ARPP21: variants seen among roughly 807,000 people sequenced by gnomAD.
ARPP21 encodes the protein cAMP-regulated phosphoprotein 21.
In ARPP21, 69 loss-of-function variants were observed where a neutral mutation model predicts 113.2. The observed-to-expected ratio is 0.61, with a 90% CI of 0.50 to 0.74. The LOEUF (loss-of-function observed/expected upper bound fraction) is 0.74. Among genes scored for constraint, ARPP21 ranks in the 30% least tolerant of loss-of-function variants. The pLI is 0.00. For synonymous variants in ARPP21, 368 were observed against 375.5 expected, an observed-to-expected ratio of 0.98 and a Z score of 0.23; for missense variants, 1,070 against 1,037.4, an observed-to-expected ratio of 1.03 and a Z score of -0.43.
chr3:35,667,885 A>G (rs138848559), intron 1 of ARPP21, among the ~76,000 whole-genome samples: 4,832 of 97,268 alleles, frequency 0.05, 368 homozygotes, highest in Non-Finnish European at 0.057. Context: ...AAGAAGAAGA[A>G]GAAGAGGAAG....
chr3:35,710,460 T>C (rs953083346), intron 11 of ARPP21, among the ~76,000 whole-genome samples: 10 of 152,104 alleles, frequency 6.6e-5, no homozygotes, highest in African/African-American at 2.2e-4. Context: ...AAGACCTTCA[T>C]AGAGCTTCAT....
chr3:35,771,886 T>C (rs1214361382), intron 19 of ARPP21, among the ~76,000 whole-genome samples: 1 of 152,228 alleles, frequency 6.6e-6, no homozygotes, highest in Non-Finnish European at 1.5e-5. Flanking sequence ...TATATTATGT[T>C]CAGATCAAGA....
intron 19 of ARPP21, among the ~76,000 whole-genome samples, chr3:35,771,964 A>C (rs1162189886): frequency 6.6e-6 from 1 of 152,216 alleles, no homozygotes; most frequent in Non-Finnish European, 1.5e-5. Context: ...ACTTTAACAG[A>C]CCTTAAGAAA....
At chr3:35,776,758 G>C (rs547367660) in intron 19 of ARPP21, among the ~76,000 whole-genome samples, 1 of 152,126 alleles carries the variant, frequency 6.6e-6, no homozygotes, top group East Asian at 1.9e-4. Context: ...TCTAACTAAG[G>C]AATACAGCAG....
intron 1 of ARPP21, among the ~76,000 whole-genome samples, chr3:35,674,475 G>A (rs1179132972): frequency 6.6e-6 from 1 of 151,732 alleles, no homozygotes; most frequent in Non-Finnish European, 1.5e-5. Flanking sequence ...AATGTTACCC[G>A]TGTTTCAGCA....
At chr3:35,780,314 G>A (rs62259491) in intron 19 of ARPP21, among the ~76,000 whole-genome samples, 15,255 of 152,168 alleles carry the variant, frequency 0.1, 1,043 homozygotes, top group Non-Finnish European at 0.15. Context: ...TACCTAAGAA[G>A]CAGGAGCTAA....
At chr3:35,763,969 G>A (rs376794987) in intron 19 of ARPP21, among the ~76,000 whole-genome samples, 4 of 151,958 alleles carry the variant, frequency 2.6e-5, no homozygotes, top group African/African-American at 4.8e-5. Context: ...TTTGAGACCC[G>A]CCTGGGCAAC....
chr3:35,709,141 A>G, intron 11 of ARPP21, 71 bp downstream of exon 11: 1 of 1,030,338 alleles, frequency 9.7e-7, no homozygotes, highest in African/African-American at 1.6e-5. Flanking sequence ...CATTCCCCAG[A>G]CAGCGAGGTG....
intron 13 of ARPP21, 148 bp downstream of exon 13, chr3:35,717,505 G>T: frequency 1.7e-6 from 1 of 575,650 alleles, no homozygotes; most frequent in Non-Finnish European, 3.1e-6. Context: ...TAGCTAGCGT[G>T]GAAGTCATAT....
chr3:35,657,652 G>A (rs146918641), intron 1 of ARPP21, among the ~76,000 whole-genome samples: 88 of 152,162 alleles, frequency 5.8e-4, no homozygotes, highest in Non-Finnish European at 7.6e-4. Context: ...CAGAGTCAGT[G>A]GTGGAGTCAG....
chr3:35,649,604 G>A (rs950087232), intron 1 of ARPP21, among the ~76,000 whole-genome samples: 28 of 152,072 alleles, frequency 1.8e-4, no homozygotes, highest in African/African-American at 6.3e-4. Flanking sequence ...CAGCATGTGC[G>A]GAAGGAATTC....
At chr3:35,670,957 C>T (rs1400029622) in intron 1 of ARPP21, among the ~76,000 whole-genome samples, 2 of 152,094 alleles carry the variant, frequency 1.3e-5, no homozygotes, top group African/African-American at 2.4e-5. Context: ...ATTCAAAACG[C>T]TAGTATTTAA....
At chr3:35,686,496 T>G (rs1250194130) in intron 5 of ARPP21, among the ~76,000 whole-genome samples, 1 of 151,642 alleles carries the variant, frequency 6.6e-6, no homozygotes, top group East Asian at 1.9e-4. Context: ...TGGAGCCCCT[T>G]CCATAAAAGA....
At chr3:35,755,319 T>G (rs1379413916) in intron 19 of ARPP21, among the ~76,000 whole-genome samples, 1 of 152,002 alleles carries the variant, frequency 6.6e-6, no homozygotes, top group East Asian at 1.9e-4. Flanking sequence ...CTCCACCACC[T>G]TCCCAAACCT....
At chr3:35,778,501 C>G (rs545287140) in intron 19 of ARPP21, among the ~76,000 whole-genome samples, 1 of 152,292 alleles carries the variant, frequency 6.6e-6, no homozygotes, top group Non-Finnish European at 1.5e-5. Flanking sequence ...TTGCTAACTG[C>G]TCCTAACACT....
chr3:35,762,124 TCTCACACACACA>T (rs1388618759), intron 19 of ARPP21, among the ~76,000 whole-genome samples: 1 of 141,152 alleles, frequency 7.1e-6, no homozygotes, highest in Non-Finnish European at 1.6e-5. Flanking sequence ...TCTCTCTCTC[TCTCACACACACA>T]CACACACACA....
chr3:35,716,600 T>C (rs2092437875), intron 12 of ARPP21, among the ~76,000 whole-genome samples: 2 of 152,176 alleles, frequency 1.3e-5, no homozygotes, highest in East Asian at 3.9e-4. Context: ...CAGTAATCCA[T>C]AAGCATTGAC....
At chr3:35,711,148 C>T (rs1027961668) in intron 11 of ARPP21, among the ~76,000 whole-genome samples, 2 of 152,082 alleles carry the variant, frequency 1.3e-5, no homozygotes, top group African/African-American at 4.8e-5. Context: ...CCAGCTCTTC[C>T]GGCTTTACTA....
chr3:35,789,410 C>A (rs1308534532), intron 19 of ARPP21, among the ~76,000 whole-genome samples: 3 of 152,102 alleles, frequency 2.0e-5, no homozygotes, highest in South Asian at 4.1e-4. Context: ...AATGAGTAGC[C>A]CCAATTAAAC....
Sources: allele counts gnomAD v4.1 joint callset (sites outside exome capture counted in the v4.1 genomes callset), GRCh38; gene constraint gnomAD v4.1.1; transcripts MANE v1.5; gene names NCBI Gene and HGNC (gene_info 2026-07-23, HGNC 2026-07-21).